OGG1: variants seen among roughly 807,000 people sequenced by gnomAD.
OGG1 encodes N-glycosylase/DNA lyase.
A neutral mutation model predicts 42.3 loss-of-function variants in OGG1; 35 were observed. That is an observed-to-expected ratio of 0.83 (90% CI 0.63 to 1.10). OGG1 has a LOEUF of 1.10. OGG1 is among the 50% of genes least tolerant of loss of function. The probability of loss-of-function intolerance (pLI) is 0.00; values close to 1 mark genes in which losing one functional copy is unlikely to be tolerated. For missense variants in OGG1, 484 were observed against 446.7 expected, an observed-to-expected ratio of 1.08 and a Z score of -0.75; for synonymous variants, 189 against 179.0, an observed-to-expected ratio of 1.06 and a Z score of -0.44.
chr3:9,764,294 AT>A (rs953511151), intron 7 of OGG1, among the ~76,000 whole-genome samples: 18 of 150,724 alleles, frequency 1.2e-4, no homozygotes, highest in East Asian at 7.8e-4. Flanking sequence ...ATGGTAATTG[AT>A]TTTTTTTTTC....
chr3:9,773,727 C>G (rs960225951), intron 2 of OGG1, among the ~76,000 whole-genome samples: 1 of 151,436 alleles, frequency 6.6e-6, no homozygotes, highest in African/African-American at 2.4e-5. Flanking sequence ...GGGCCTCACT[C>G]TGTCACCCAG....
At chr3:9,754,682 C>G in intron 3 of OGG1, 22 bp from the exon 4 acceptor site, 1 of 1,612,568 alleles carries the variant, frequency 6.2e-7, no homozygotes, top group Non-Finnish European at 8.5e-7. Flanking sequence ...CTGATGCTTG[C>G]CCTCCTCCTC....
At chr3:9,764,641 T>G (rs1376457322) in intron 7 of OGG1, among the ~76,000 whole-genome samples, 14 of 149,076 alleles carry the variant, frequency 9.4e-5, no homozygotes, top group Admixed American at 7.4e-4. Context: ...TTTTTTTTTT[T>G]TTTTGAGATG....
downstream of OGG1, chr3:9,760,908 C>T (rs888683788): frequency 2.4e-6 from 3 of 1,266,956 alleles, no homozygotes; most frequent in Admixed American, 7.0e-5. Context: ...CCTGCCTGCT[C>T]ACTCCTGTTC....
chr3:9,776,388 C>CTTTTTTTT (rs57504240), intron 2 of OGG1, among the ~76,000 whole-genome samples: 3 of 121,116 alleles, frequency 2.5e-5, no homozygotes, highest in Non-Finnish European at 5.1e-5. Context: ...TTTTTCTTTT[C>CTTTTTTTT]TTTTTTTTTT....
downstream of OGG1, chr3:9,759,859 C>G: frequency 2.5e-6 from 4 of 1,587,844 alleles, no homozygotes; most frequent in Non-Finnish European, 3.4e-6. Flanking sequence ...GACAAAGAGG[C>G]CAAATCAGTC....
chr3:9,757,677 C>T (rs376153270), downstream of OGG1: 37 of 1,614,066 alleles, frequency 2.3e-5, no homozygotes, highest in Non-Finnish European at 2.7e-5. This position sits in a 1 kb window ranked among gnomAD's most constrained non-coding sequence, Gnocchi z 4.5. Context: ...CACTCCAGCC[C>T]GGGTGCACCT....
intron 2 of OGG1, among the ~76,000 whole-genome samples, chr3:9,779,168 C>T (rs1445162002): frequency 6.6e-6 from 1 of 152,122 alleles, no homozygotes; most frequent in Non-Finnish European, 1.5e-5. Context: ...CTACTCAGAT[C>T]TTGTTGGGTT....
intron 3 of OGG1, chr3:9,787,620 C>G: frequency 1.6e-6 from 2 of 1,240,124 alleles, no homozygotes; most frequent in South Asian, 2.7e-5. Flanking sequence ...TGTCTCAGGT[C>G]ACAGCAATTG....
chr3:9,763,593 G>C (rs1410246476), intron 7 of OGG1, among the ~76,000 whole-genome samples: 1 of 152,058 alleles, frequency 6.6e-6, no homozygotes, highest in Non-Finnish European at 1.5e-5. Flanking sequence ...CTGGGCTCTG[G>C]CATACACAGA....
At chr3:9,775,001 G>A (rs2078347110) in intron 2 of OGG1, among the ~76,000 whole-genome samples, 1 of 148,266 alleles carries the variant, frequency 6.7e-6, no homozygotes, top group African/African-American at 2.5e-5. Context: ...TATAATCCCA[G>A]CACTTTGGGA....
At chr3:9,778,535 G>A (rs2078394254) in intron 2 of OGG1, among the ~76,000 whole-genome samples, 1 of 152,240 alleles carries the variant, frequency 6.6e-6, no homozygotes, top group Non-Finnish European at 1.5e-5. Context: ...GCTGGATGCA[G>A]CACTTCTCCA....
chr3:9,769,005 C>T (rs56778564), downstream of OGG1, among the ~76,000 whole-genome samples: 649 of 152,154 alleles, frequency 4.3e-3, 4 homozygotes, highest in African/African-American at 0.015. Context: ...CCACACCAAG[C>T]CCCCTCCACA....
intron 2 of OGG1, among the ~76,000 whole-genome samples, chr3:9,773,376 C>T (rs575760818): frequency 4.7e-4 from 72 of 151,708 alleles, no homozygotes; most frequent in Non-Finnish European, 9.3e-4. Flanking sequence ...TGTATTTCTA[C>T]TAAAGATACA....
intron 3 of OGG1, among the ~76,000 whole-genome samples, chr3:9,781,866 G>A (rs1429309341): frequency 7.8e-6 from 1 of 128,768 alleles, no homozygotes; most frequent in South Asian, 2.4e-4. Flanking sequence ...TTTGAGACAG[G>A]TCTCACTCTG....
At chr3:9,776,357 T>C (rs2078363154) in intron 2 of OGG1, among the ~76,000 whole-genome samples, 1 of 151,910 alleles carries the variant, frequency 6.6e-6, no homozygotes, top group Admixed American at 6.6e-5. Context: ...CCTGCCAACT[T>C]TGCACAGTCT....
At position 9,763,530 on chromosome 3, in the gene OGG1, T is replaced by C. The variant is rs373747625; in HGVS notation, c.1049-2279T>C. On this transcript the variant is annotated intron_variant, in intron 7 of 7. Coordinates refer to the OGG1 transcript ENST00000302008. ...CTCGTCCCCAAAGGGAAAAGCTAGC[T>C]TACCATGGTTTATTACCATTTTTTG... Among the ~76,000 whole-genome samples, 63 of 152,144 alleles carry C rather than the reference T, an allele frequency of 4.1e-4. 2 individuals carry two copies. In the South Asian group the frequency reaches 0.012, roughly 29 times the overall value.
intron 3 of OGG1, 54 bp from the exon 4 acceptor site, chr3:9,754,650 G>A (rs778008137): frequency 2.0e-5 from 32 of 1,592,720 alleles, no homozygotes; most frequent in Non-Finnish European, 2.7e-5. Context: ...CTAGCCTAAG[G>A]ACAGGAAGAA....
At chr3:9,759,804 C>A, downstream of OGG1, 1 of 1,613,878 alleles carries the variant, frequency 6.2e-7, no homozygotes, top group Non-Finnish European at 8.5e-7. Flanking sequence ...TGCCTGTGTA[C>A]TCCCCAAGAG....
Sources: allele counts gnomAD v4.1 joint callset (sites outside exome capture counted in the v4.1 genomes callset), GRCh38; gene constraint gnomAD v4.1.1; non-coding constraint Gnocchi (gnomAD v3.1); transcripts MANE v1.5; gene names NCBI Gene and HGNC (gene_info 2026-07-23, HGNC 2026-07-21).